LRBA: variants seen among roughly 807,000 people sequenced by gnomAD.
LRBA encodes lipopolysaccharide-responsive and beige-like anchor protein.
Under a neutral mutation model 330.0 loss-of-function variants are expected in LRBA, and 176 were observed. The observed-to-expected ratio is 0.53, with a 90% CI of 0.47 to 0.60. The LOEUF (loss-of-function observed/expected upper bound fraction) is 0.60, where lower values mean the gene tolerates loss of function less well. LRBA is among the 20% of genes least tolerant of loss of function. The probability of loss-of-function intolerance (pLI) is 0.00; values close to 1 mark genes in which losing one functional copy is unlikely to be tolerated. For missense variants in LRBA, 3,259 were observed against 3,444.8 expected (o/e 0.95, Z 1.35); for synonymous variants, 1,230 against 1,193.0 (o/e 1.03, Z -0.64).
chr4:150,650,120 T>A (rs185742973), intron 37 of LRBA, among the ~76,000 whole-genome samples: 1 of 152,196 alleles, frequency 6.6e-6, no homozygotes, highest in Non-Finnish European at 1.5e-5. Flanking sequence ...TGAGGTTAAG[T>A]GACTCGTTCA....
chr4:150,827,547 C>T (rs766559114), intron 30 of LRBA, among the ~76,000 whole-genome samples: 4 of 151,952 alleles, frequency 2.6e-5, no homozygotes, highest in South Asian at 4.2e-4. Context: ...TATGATGATT[C>T]GCTTCACCTG....
intron 37 of LRBA, among the ~76,000 whole-genome samples, chr4:150,601,817 G>C (rs978290212): frequency 2.7e-5 from 4 of 146,702 alleles, no homozygotes; most frequent in Non-Finnish European, 4.7e-5. Flanking sequence ...TCAGCCTCCC[G>C]AGTACCTGGG....
At chr4:150,623,316 A>G (rs994574414) in intron 37 of LRBA, among the ~76,000 whole-genome samples, 3 of 152,226 alleles carry the variant, frequency 2.0e-5, no homozygotes, top group Non-Finnish European at 4.4e-5. Flanking sequence ...ATGCTCACAC[A>G]TATTCATTCA....
chr4:150,639,360 TAAAAAAAAAAAAGAA>T (rs1297718980), intron 37 of LRBA, among the ~76,000 whole-genome samples: 13 of 106,698 alleles, frequency 1.2e-4, no homozygotes, highest in African/African-American at 4.8e-4. Context: ...TAAAGTATAA[TAAAAAAAAAAAAGAA>T]AAAAAAAAAC....
rs1579509364 is a variant in LRBA at position 151,014,633 on chromosome 4, C to T, written c.10G>A (p.Glu4Lys). The T allele has an allele frequency of 6.3e-7, 1 of 1,598,654 alleles. No individual in the cohort carries two copies. The highest frequency in any genetic ancestry group is 1.7e-5 in the Admixed American group (1 of 58,182). Residue 4 changes from glutamate to lysine, a missense_variant, in exon 2 of 57, where the codon GAA becomes AAA. Physicochemically the swap from Glu to Lys is moderately conservative, Grantham distance 56 (BLOSUM62 1). Coordinates refer to ENST00000651943, the MANE Select transcript of LRBA (RefSeq NM_001364905.1). MASEDNRVPSPPPT... is the reference protein window; with the variant it reads MASKDNRVPSPPPT... ...GGCGGGGAAGGGACACGATTGTCTT[C>T]GCTAGCCATTGCTAGCTCACGATAA...
At chr4:150,419,367 G>C (rs1307461194) in intron 46 of LRBA, among the ~76,000 whole-genome samples, 2 of 152,056 alleles carry the variant, frequency 1.3e-5, no homozygotes, top group African/African-American at 2.4e-5. Flanking sequence ...AGACAATAAA[G>C]ATATGACTAA....
At chr4:150,626,691 T>TTA (rs1776894380) in intron 37 of LRBA, among the ~76,000 whole-genome samples, 2 of 152,254 alleles carry the variant, frequency 1.3e-5, no homozygotes, top group South Asian at 4.1e-4. Flanking sequence ...AAGTATTCAT[T>TTA]TAAAAAGCCA....
intron 44 of LRBA, among the ~76,000 whole-genome samples, chr4:150,466,919 A>T (rs1412100799): frequency 2.6e-5 from 4 of 152,110 alleles, no homozygotes; most frequent in Non-Finnish European, 4.4e-5. Context: ...AATAGACAAA[A>T]CTGTGATCTC....
intron 44 of LRBA, among the ~76,000 whole-genome samples, chr4:150,443,169 C>G (rs1286174827): frequency 1.3e-5 from 2 of 152,116 alleles, no homozygotes; most frequent in East Asian, 3.9e-4. Context: ...AAAGCCACCT[C>G]CTGACTTTTT....
chr4:150,667,100 C>T (rs1781632447), intron 37 of LRBA, among the ~76,000 whole-genome samples: 1 of 152,102 alleles, frequency 6.6e-6, no homozygotes, highest in African/African-American at 2.4e-5. Flanking sequence ...CGGTCTTAAT[C>T]ACTATACCAT....
Position 150,808,302 on chromosome 4 carries a change from A to G in LRBA, c.5384+18T>C. On this transcript the variant is annotated intron_variant, in intron 32 of 56. Coordinates refer to ENST00000651943, the MANE Select transcript of LRBA (RefSeq NM_001364905.1). ...CAAAAGGTATAAATCACAATATTCA[A>G]GTTAGTAGCTTAAATACCTCATATT... 6.4e-7 allele frequency: 1 copy of G among 1,560,530 alleles called. No homozygotes were observed.
intron 2 of LRBA, among the ~76,000 whole-genome samples, chr4:150,988,652 C>T (rs377010947): frequency 7.2e-5 from 11 of 152,110 alleles, no homozygotes; most frequent in East Asian, 5.8e-4. Context: ...AATCTCGGCT[C>T]ACTGCAACCT....
chr4:150,904,712 G>T (rs1327477208), intron 13 of LRBA, among the ~76,000 whole-genome samples: 3 of 152,080 alleles, frequency 2.0e-5, no homozygotes, highest in Non-Finnish European at 4.4e-5. Context: ...GGAAGAAAAT[G>T]AGGTCAAATT....
At chr4:150,786,760 C>T (rs1490373931) in intron 34 of LRBA, among the ~76,000 whole-genome samples, 3 of 152,168 alleles carry the variant, frequency 2.0e-5, no homozygotes, top group Non-Finnish European at 4.4e-5. Context: ...GATCTGAGTA[C>T]TAATAAAACT....
intron 34 of LRBA, among the ~76,000 whole-genome samples, chr4:150,792,028 C>CA (rs11389573): frequency 0.7 from 32,878 of 46,920 alleles, 11,824 homozygotes; most frequent in Non-Finnish European, 0.78. Flanking sequence ...GGCTCCATCT[C>CA]AAAAAAAAAA....
intron 34 of LRBA, among the ~76,000 whole-genome samples, chr4:150,776,991 CTA>C (rs1186075408): frequency 6.6e-6 from 1 of 151,798 alleles, no homozygotes; most frequent in Admixed American, 6.6e-5. Flanking sequence ...ATGAAAAAAA[CTA>C]TGAAAATACA....
chr4:150,788,967 G>A (rs959210630), intron 34 of LRBA, among the ~76,000 whole-genome samples: 11 of 151,508 alleles, frequency 7.3e-5, no homozygotes, highest in Non-Finnish European at 1.2e-4. Context: ...CCAGCTACTC[G>A]GAAGGCTGAG....
intron 40 of LRBA, among the ~76,000 whole-genome samples, chr4:150,576,647 T>C: frequency 6.6e-6 from 1 of 151,876 alleles, no homozygotes; most frequent in Non-Finnish European, 1.5e-5. Context: ...TACAGCATAC[T>C]CTCAATTTTC....
intron 41 of LRBA, 124 bp from the exon 42 acceptor site, chr4:150,487,958 T>C: frequency 6.5e-6 from 3 of 459,338 alleles, no homozygotes; most frequent in Non-Finnish European, 1.2e-5. Flanking sequence ...TCTTACTATA[T>C]TCCTTTTATA....
Sources: allele counts gnomAD v4.1 joint callset (sites outside exome capture counted in the v4.1 genomes callset), GRCh38; gene constraint gnomAD v4.1.1; transcripts MANE v1.5; gene names NCBI Gene and HGNC (gene_info 2026-07-23, HGNC 2026-07-21).